The following SLC37A1 variants were observed in gnomAD, a reference collection of about 807,000 sequenced individuals.
The protein encoded by SLC37A1 is solute carrier family 37 member 1, also known as glucose-6-phosphate exchanger SLC37A1.
In SLC37A1, 49 loss-of-function variants were observed where a neutral mutation model predicts 75.3. The observed-to-expected ratio is 0.65, with a 90% CI of 0.52 to 0.83. SLC37A1 has a LOEUF of 0.83. Among genes scored for constraint, SLC37A1 ranks in the 40% least tolerant of loss-of-function variants. SLC37A1 has a pLI of 0.00. For synonymous variants in SLC37A1, 268 were observed against 292.1 expected (o/e 0.92, Z 0.84); for missense variants, 566 against 695.0 (o/e 0.81, Z 2.09).
In SLC37A1 at chr21:42,563,865, G is replaced by A. The variant is rs1397635434; in HGVS notation, c.1123G>A (p.Gly375Ser). 5 of 1,614,040 alleles carry A rather than the reference G, an allele frequency of 3.1e-6. No individual in the cohort carries two copies. Among genetic ancestry groups the A allele is most frequent in the Non-Finnish European group, 4.2e-6 (5 of 1,180,030 alleles). Residue 375 changes from glycine (G) to serine (S), a missense_variant, in exon 13 of 20, where the codon GGC becomes AGC. Physicochemically the swap from Gly to Ser is moderately conservative, Grantham distance 56. Transcript: ENST00000352133. ...AGELSTLFDVGGIFGGILAGV... is the reference protein window; with the variant it reads ...AGELSTLFDVSGIFGGILAGV... ...GGAGCTCTCCACCCTGTTTGACGTGGGCGGAATCTTTGGTGAGTTCATTAA... is the reference window on the plus strand; with the variant it reads ...GGAGCTCTCCACCCTGTTTGACGTGAGCGGAATCTTTGGTGAGTTCATTAA...
intron 15 of SLC37A1, 54 bp from the exon 16 acceptor site, chr21:42,566,931 T>A: frequency 6.4e-7 from 1 of 1,567,392 alleles, no homozygotes; most frequent in Non-Finnish European, 8.6e-7. Flanking sequence ...CTCCTATGCA[T>A]GCGGGGCTCT....
intron 15 of SLC37A1, 61 bp from the exon 16 acceptor site, chr21:42,566,924 C>T: frequency 1.3e-6 from 2 of 1,548,914 alleles, no homozygotes; most frequent in Middle Eastern, 3.4e-4. Flanking sequence ...CAGGCTGCTC[C>T]TATGCATGCG....
At chr21:42,565,350 C>T (rs116999222) in intron 14 of SLC37A1, among the ~76,000 whole-genome samples, 2,588 of 152,402 alleles carry the variant, frequency 0.017, 39 homozygotes, top group Middle Eastern at 0.027. Context: ...GCGTCTGCCC[C>T]TCCGCTAGCC....
At chr21:42,572,605 A>T (rs2056204995) in intron 17 of SLC37A1, among the ~76,000 whole-genome samples, 1 of 142,132 alleles carries the variant, frequency 7.0e-6, no homozygotes, top group Non-Finnish European at 1.5e-5. Context: ...CTGCCCTTTC[A>T]GTGCATCCTG....
intron 2 of SLC37A1, among the ~76,000 whole-genome samples, chr21:42,522,439 G>A (rs1181289911): frequency 5.3e-5 from 8 of 152,206 alleles, no homozygotes; most frequent in Non-Finnish European, 7.3e-5. Context: ...GAGGCCAGGC[G>A]TATCGGGGTG....
chr21:42,565,680 G>C, intron 14 of SLC37A1, 147 bp from the exon 15 acceptor site: 1 of 667,722 alleles, frequency 1.5e-6, no homozygotes, highest in Non-Finnish European at 2.6e-6. Flanking sequence ...ACGGGAGGGG[G>C]CGTGGCCGTC....
rs546388927 is a variant in SLC37A1, at chr21:42,518,479, C to T, written c.25C>T (p.Arg9Cys). ...AATGGCTCGACTCCCCGCTGGCATT[C>T]GCTTCATCATCTCATTCTCCAGGGA... MARLPAGIRFIISFSRDQW... is the reference protein window; with the variant it reads MARLPAGICFIISFSRDQW... Residue 9 changes from arginine (R) to cysteine (C), a missense_variant, in exon 2 of 20, where the codon CGC becomes TGC. Physicochemically the swap from Arg to Cys is radical, Grantham distance 180. Transcript: ENST00000352133. 2.1e-4 allele frequency: 347 copies of T among 1,614,116 alleles called. 6 individuals carry two copies. The highest frequency in any genetic ancestry group is 2.1e-3 in the South Asian group (194 of 91,080).
At chr21:42,526,704 A>G (rs1450966693) in intron 3 of SLC37A1, among the ~76,000 whole-genome samples, 2 of 152,198 alleles carry the variant, frequency 1.3e-5, no homozygotes, top group Non-Finnish European at 2.9e-5. Context: ...ACTCTCCAGC[A>G]GCTTTCAGGG....
At chr21:42,510,964 A>G (rs2146683748), upstream of SLC37A1, among the ~76,000 whole-genome samples, 1 of 152,346 alleles carries the variant, frequency 6.6e-6, no homozygotes, top group South Asian at 2.1e-4. Context: ...ATAAGGAAAC[A>G]GTGAACCTGA....
At chr21:42,524,355 T>C (rs946354864) in intron 2 of SLC37A1, among the ~76,000 whole-genome samples, 1 of 152,260 alleles carries the variant, frequency 6.6e-6, no homozygotes, top group Non-Finnish European at 1.5e-5. Flanking sequence ...TTGTCTTCTT[T>C]CTAAGGCACC....
At chr21:42,550,573 T>TG (rs1345442869) in intron 9 of SLC37A1, among the ~76,000 whole-genome samples, 1 of 152,012 alleles carries the variant, frequency 6.6e-6, no homozygotes, top group Admixed American at 6.5e-5. Context: ...AAAATAAAAG[T>TG]GGGGGGAAAC....
chr21:42,549,718 C>T (rs1254601511), intron 9 of SLC37A1, among the ~76,000 whole-genome samples: 1 of 152,182 alleles, frequency 6.6e-6, no homozygotes, highest in African/African-American at 2.4e-5. Flanking sequence ...GTAGTATCTT[C>T]CCTTTATCAC....
chr21:42,559,067 T>G lies in SLC37A1; in HGVS notation c.959T>G (p.Phe320Cys). 1 of 1,611,776 alleles carries G rather than the reference T, an allele frequency of 6.2e-7. No homozygotes were observed. Among genetic ancestry groups the G allele is most frequent in the African/African-American group, 1.3e-5 (1 of 74,834 alleles). ...GGGAGTGGCACGGCCGCCATCAGCTTCACAGGGGCCTTGAAAATTCCAGTA... is the reference window on the plus strand; with the variant it reads ...GGGAGTGGCACGGCCGCCATCAGCTGCACAGGGGCCTTGAAAATTCCAGTA... ...DGGSGTAAIS[F>C]TGALKIPGVI... The change falls in exon 11 of 20, where the codon TTC becomes TGC. Residue 320 changes from phenylalanine (F) to cysteine (C), a missense_variant. Transcript: ENST00000352133.
At chr21:42,556,109 GAAAGCTGGGGGGCGGGGAGC>G (rs940316913) in intron 10 of SLC37A1, among the ~76,000 whole-genome samples, 2 of 152,226 alleles carry the variant, frequency 1.3e-5, no homozygotes, top group African/African-American at 4.8e-5. Flanking sequence ...GACATGTAAA[GAAAGCTGGGGGGCGGGGAGC>G]AAATGTGGGA....
chr21:42,573,626 A>G (rs1018634111), intron 17 of SLC37A1, among the ~76,000 whole-genome samples: 4 of 152,034 alleles, frequency 2.6e-5, no homozygotes, highest in Admixed American at 2.0e-4. Context: ...AAAACATACA[A>G]TTGCTCCTGG....
intron 6 of SLC37A1, 119 bp downstream of exon 6, chr21:42,539,766 G>A: frequency 5.0e-6 from 5 of 998,374 alleles, no homozygotes; most frequent in Non-Finnish European, 5.6e-6. Context: ...CGTCCTGTCG[G>A]AAGTCAGGGT....
chr21:42,533,003 C>G (rs1056756496), intron 3 of SLC37A1, among the ~76,000 whole-genome samples: 2 of 152,228 alleles, frequency 1.3e-5, no homozygotes, highest in East Asian at 3.9e-4. Context: ...ACGTGGCCCA[C>G]GTGCTGCCAG....
rs2054469537 is a variant in SLC37A1 at position 42,513,881 on chromosome 21, G to C, written c.-1015G>C. On this transcript the variant is annotated 5_prime_UTR_variant, in exon 1 of 20. Transcript: ENST00000352133. Reference sequence around the variant, plus strand: ...TCGCGAGCAGGAAGCGCCCGCGGCGGCCGGGCCGGGCTGGGCTGCGGAGCG... The same window carrying C: ...TCGCGAGCAGGAAGCGCCCGCGGCGCCCGGGCCGGGCTGGGCTGCGGAGCG... 6.8e-6 allele frequency: 1 copy of C among 146,780 alleles called. No individual in the cohort carries two copies. Among genetic ancestry groups the C allele is most frequent in the Non-Finnish European group, 1.5e-5 (1 of 65,766 alleles). The allele number at this position is 146,780 out of a possible 1,614,324, so 9.1% of individuals were successfully genotyped here.
chr21:42,565,453 G>C (rs903538011), intron 14 of SLC37A1, among the ~76,000 whole-genome samples: 5 of 152,252 alleles, frequency 3.3e-5, no homozygotes, highest in Non-Finnish European at 5.9e-5. Flanking sequence ...ATGCTTGGGT[G>C]GGCCCCTTGC....
Sources: gnomAD v4.1 joint callset for allele counts (sites outside exome capture counted in the v4.1 genomes callset) on GRCh38, gnomAD v4.1.1 for gene constraint, MANE v1.5 for transcripts, NCBI Gene and HGNC (gene_info 2026-07-23, HGNC 2026-07-21) for gene names.